Variants in PGBD2 observed in about 807,000 individuals in gnomAD.
PGBD2 encodes the protein piggyBac transposable element derived 2, also known as piggyBac transposable element-derived protein 2.
PGBD2 carries 6 observed loss-of-function variants against 8.1 expected under a neutral mutation model. The observed-to-expected ratio is 0.74, with a 90% confidence interval of 0.40 to 1.46. The LOEUF (loss-of-function observed/expected upper bound fraction) is 1.46, where lower values mean the gene tolerates loss of function less well. PGBD2 is among the 40% of genes most tolerant of loss of function. PGBD2 has a pLI of 0.02. For missense variants in PGBD2, 802 were observed against 739.0 expected, an observed-to-expected ratio of 1.09 and a Z score of -0.99; for synonymous variants, 318 against 272.2, an observed-to-expected ratio of 1.17 and a Z score of -1.66.
intron 1 of PGBD2, 120 bp from the exon 2 acceptor site, chr1:248,913,696 C>G: frequency 1.5e-6 from 1 of 658,470 alleles, no homozygotes; most frequent in Non-Finnish European, 2.7e-6. Context: ...TCGACCCAGA[C>G]ACTATTAAGG....
At chr1:248,874,514 A>G in the PGBD2 span, among the ~76,000 whole-genome samples, 1 of 152,226 alleles carries the variant, frequency 6.6e-6, no homozygotes, top group Non-Finnish European at 1.5e-5. Flanking sequence ...TGATATCTTA[A>G]GAACGGAGAA....
At chr1:248,913,231 A>C (rs1207360293) in intron 1 of PGBD2, among the ~76,000 whole-genome samples, 1 of 151,912 alleles carries the variant, frequency 6.6e-6, no homozygotes, top group Non-Finnish European at 1.5e-5. Context: ...TTCTGTGAAG[A>C]GCTAGTGTGT....
At chr1:248,897,423 A>AT in the PGBD2 span, among the ~76,000 whole-genome samples, 1 of 152,008 alleles carries the variant, frequency 6.6e-6, no homozygotes, top group East Asian at 1.9e-4. Flanking sequence ...GCTGGCAAGC[A>AT]TACCTTTTCT....
the PGBD2 span, among the ~76,000 whole-genome samples, chr1:248,897,374 C>A: frequency 2.0e-5 from 3 of 151,816 alleles, no homozygotes; most frequent in Admixed American, 6.5e-5. Context: ...TTATAAATGA[C>A]CCTGTCTTCT....
At chr1:248,927,312 G>T in the PGBD2 span, among the ~76,000 whole-genome samples, 1 of 152,172 alleles carries the variant, frequency 6.6e-6, no homozygotes, top group African/African-American at 2.4e-5. Flanking sequence ...CAATCCATCA[G>T]CATGGCCAGA....
At chr1:248,911,921 C>CAG (rs1661906326) in intron 1 of PGBD2, among the ~76,000 whole-genome samples, 1 of 151,922 alleles carries the variant, frequency 6.6e-6, no homozygotes, top group Admixed American at 6.5e-5. Flanking sequence ...TGGAGATGCG[C>CAG]AGAGAGGGGT....
At chr1:248,924,904 C>T (rs1310632753), downstream of PGBD2, among the ~76,000 whole-genome samples, 3 of 152,096 alleles carry the variant, frequency 2.0e-5, no homozygotes, top group South Asian at 2.1e-4. Context: ...GTGTCTCTGC[C>T]CTCTAGTGGA....
At chr1:248,899,469 A>G in the PGBD2 span, among the ~76,000 whole-genome samples, 1 of 152,170 alleles carries the variant, frequency 6.6e-6, no homozygotes, top group South Asian at 2.1e-4. Flanking sequence ...CACTACGTAG[A>G]AATTGAAAAA....
the PGBD2 span, among the ~76,000 whole-genome samples, chr1:248,888,095 C>T: frequency 6.6e-6 from 1 of 152,154 alleles, no homozygotes; most frequent in Non-Finnish European, 1.5e-5. Context: ...TAATTCTATT[C>T]TTTTTTTATG....
At chr1:248,892,181 T>C in the PGBD2 span, among the ~76,000 whole-genome samples, 2 of 152,060 alleles carry the variant, frequency 1.3e-5, no homozygotes, top group East Asian at 3.9e-4. Context: ...AACATCTTTC[T>C]ATATAAGGGT....
At chr1:248,904,481 C>A (rs193045288), upstream of PGBD2, among the ~76,000 whole-genome samples, 2 of 152,270 alleles carry the variant, frequency 1.3e-5, no homozygotes, top group East Asian at 3.9e-4. Context: ...ATTACATATG[C>A]AAGTATCCAA....
At chr1:248,914,026 G>A (rs1662005228) in intron 2 of PGBD2, 147 bp downstream of exon 2, 14 of 774,182 alleles carry the variant, frequency 1.8e-5, no homozygotes, top group Non-Finnish European at 3.0e-5. Context: ...GAGGAGATGG[G>A]AGAAGAATGG....
At chr1:248,924,820 C>T (rs780841960), downstream of PGBD2, among the ~76,000 whole-genome samples, 1 of 152,180 alleles carries the variant, frequency 6.6e-6, no homozygotes, top group African/African-American at 2.4e-5. Context: ...GGCCCCGGCA[C>T]TGGAGGTTGG....
upstream of PGBD2, among the ~76,000 whole-genome samples, chr1:248,904,658 G>T (rs1661589153): frequency 6.6e-6 from 1 of 152,166 alleles, no homozygotes; most frequent in African/African-American, 2.4e-5. Context: ...CAGAGCATTT[G>T]CACATGCCAT....
chr1:248,919,720 T>C (rs1285908421), downstream of PGBD2: 1 of 166,512 alleles, frequency 6.0e-6, no homozygotes, highest in Non-Finnish European at 1.5e-5. Flanking sequence ...TGTTCAAGGG[T>C]TCCCTTTTCT....
chr1:248,873,900 C>CT, the PGBD2 span, among the ~76,000 whole-genome samples: 4 of 152,210 alleles, frequency 2.6e-5, no homozygotes, highest in African/African-American at 7.2e-5. Flanking sequence ...AAGGTAAGCA[C>CT]CTTGCCTGCG....
the PGBD2 span, among the ~76,000 whole-genome samples, chr1:248,881,284 A>T: frequency 1.3e-5 from 2 of 152,156 alleles, no homozygotes; most frequent in Non-Finnish European, 1.5e-5. Context: ...TTACTTCTCA[A>T]GCTGGACTTG....
chr1:248,914,415 G>C, intron 2 of PGBD2: 2 of 1,243,456 alleles, frequency 1.6e-6, no homozygotes, highest in Admixed American at 2.8e-5. Flanking sequence ...CCTTTAAGCC[G>C]GTCTCTTTTT....
chr1:248,930,179 G>A, the PGBD2 span, among the ~76,000 whole-genome samples: 3 of 152,136 alleles, frequency 2.0e-5, no homozygotes, highest in Admixed American at 1.3e-4. Flanking sequence ...GCATCATAGC[G>A]TGCCATAACA....
Sources: gnomAD v4.1 joint callset for allele counts (sites outside exome capture counted in the v4.1 genomes callset) on GRCh38, gnomAD v4.1.1 for gene constraint, MANE v1.5 for transcripts, NCBI Gene and HGNC (gene_info 2026-07-23, HGNC 2026-07-21) for gene names.